The following TDRP variants were observed in gnomAD, a reference collection of about 807,000 sequenced individuals.
TDRP encodes the protein testis development-related protein.
TDRP carries 12 observed loss-of-function variants against 10.5 expected under a neutral mutation model. The observed-to-expected ratio is 1.15, with a 90% CI of 0.73 to 1.86. The LOEUF is 1.86. Among genes scored for constraint, TDRP ranks in the 40% most tolerant of loss-of-function variants. The pLI, the probability that TDRP is intolerant of heterozygous loss-of-function variation, is 0.00. For synonymous variants in TDRP, 139 were observed against 95.4 expected, an observed-to-expected ratio of 1.46 and a Z score of -2.67; for missense variants, 353 against 229.2, an observed-to-expected ratio of 1.54 and a Z score of -3.49.
intron 2 of TDRP, among the ~76,000 whole-genome samples, 197 bp downstream of exon 2, chr8:494,297 C>T (rs1585132054): frequency 6.6e-6 from 1 of 152,068 alleles, no homozygotes; most frequent in Admixed American, 6.5e-5. Context: ...ATGTTAACTC[C>T]GAAGCACACA....
At position 526,851 on chromosome 8, in the gene TDRP, G is replaced by A. The variant is rs531771888; in HGVS notation, c.108+17799C>T. ...ATTCAACGTAGTACTGGAAGTCCTA[G>A]CTAGAGCAATCAGACACCAGAAAAA... On this transcript the variant is annotated intron_variant, in intron 1 of 2. Coordinates refer to ENST00000324079, the MANE Select transcript of TDRP (RefSeq NM_001384899.1). 3.2e-4 allele frequency among the ~76,000 whole-genome samples: 48 copies of A among 152,252 alleles called. 1 individual carries two copies. The South Asian group carries it at 8.3e-3, about 26-fold the overall frequency.
chr8:501,492 G>T (rs565842443), intron 1 of TDRP, among the ~76,000 whole-genome samples: 4 of 151,646 alleles, frequency 2.6e-5, no homozygotes, highest in African/African-American at 9.7e-5. Context: ...AATTACAGGC[G>T]ATGGCCACCA....
intron 1 of TDRP, among the ~76,000 whole-genome samples, chr8:535,147 A>T (rs535567402): frequency 6.6e-6 from 1 of 152,104 alleles, no homozygotes; most frequent in Non-Finnish European, 1.5e-5. Context: ...TTTAATATAC[A>T]TTTATTAATA....
intron 1 of TDRP, among the ~76,000 whole-genome samples, chr8:539,019 C>T (rs1315062309): frequency 6.6e-6 from 1 of 152,118 alleles, no homozygotes; most frequent in Non-Finnish European, 1.5e-5. Context: ...ATCCTGCAGG[C>T]CTATAATAGA....
intron 1 of TDRP, among the ~76,000 whole-genome samples, chr8:510,350 A>G (rs7002094): frequency 0.39 from 59,603 of 151,856 alleles, 12,122 homozygotes; most frequent in Admixed American, 0.45. Flanking sequence ...CTTCATTAGC[A>G]TAAGAGGACA....
chr8:514,324 T>G, intron 1 of TDRP, among the ~76,000 whole-genome samples: 1 of 152,208 alleles, frequency 6.6e-6, no homozygotes, highest in East Asian at 1.9e-4. Flanking sequence ...CAATTGATTT[T>G]CAAGAAGAGT....
intron 1 of TDRP, among the ~76,000 whole-genome samples, chr8:532,902 C>G (rs1283223809): frequency 6.6e-6 from 1 of 152,224 alleles, no homozygotes; most frequent in African/African-American, 2.4e-5. Context: ...CTGAGTGGTT[C>G]TGACACTGCA....
chr8:514,119 G>A (rs1386282543), intron 1 of TDRP, among the ~76,000 whole-genome samples: 1 of 152,134 alleles, frequency 6.6e-6, no homozygotes, highest in Non-Finnish European at 1.5e-5. Context: ...CAAAATAACA[G>A]GGGATTCAAG....
intron 1 of TDRP, among the ~76,000 whole-genome samples, chr8:513,103 A>G (rs1003501536): frequency 7.6e-5 from 8 of 105,720 alleles, no homozygotes; most frequent in Non-Finnish European, 1.4e-4. Context: ...AATTCTTCAC[A>G]CTATTTCAAA....
intron 1 of TDRP, among the ~76,000 whole-genome samples, chr8:509,193 G>A (rs1213879914): frequency 6.6e-6 from 1 of 152,186 alleles, no homozygotes; most frequent in Non-Finnish European, 1.5e-5. Context: ...GGCATATGGT[G>A]CAAACTGTCG....
intron 1 of TDRP, among the ~76,000 whole-genome samples, chr8:532,061 AGG>A (rs1802213978): frequency 6.6e-6 from 1 of 152,214 alleles, no homozygotes; most frequent in African/African-American, 2.4e-5. Context: ...GAGAACAGTT[AGG>A]TGTTCAACAG....
chr8:531,330 A>G (rs973528538), intron 1 of TDRP, among the ~76,000 whole-genome samples: 3 of 152,146 alleles, frequency 2.0e-5, no homozygotes, highest in African/African-American at 7.2e-5. Flanking sequence ...GGGACTTTCC[A>G]CTCCACCATT....
chr8:490,839 G>T lies in TDRP; in HGVS notation c.*1560C>A, dbSNP rs1029304709. On this transcript the variant is annotated 3_prime_UTR_variant, in exon 3 of 3. Coordinates refer to ENST00000324079, the MANE Select transcript of TDRP (RefSeq NM_001384899.1). Reference sequence around the variant, plus strand: ...TTTGTTTGAACACCAATTGAAACATGTCCCCCTTTCAAGACTTGATAAGTA... The same window carrying T: ...TTTGTTTGAACACCAATTGAAACATTTCCCCCTTTCAAGACTTGATAAGTA... The T allele has an allele frequency of 4.6e-5, 7 of 152,014 alleles. No homozygotes were observed. The highest frequency in any genetic ancestry group is 1.7e-4 in the African/African-American group (7 of 41,366). 9.4% of individuals were successfully genotyped at this position (152,014 alleles called of 1,614,324 possible).
At chr8:497,386 G>C (rs1417429095) in intron 1 of TDRP, among the ~76,000 whole-genome samples, 2 of 152,224 alleles carry the variant, frequency 1.3e-5, no homozygotes, top group Non-Finnish European at 2.9e-5. Context: ...CTGCCCAAGA[G>C]ATATGTGGAA....
chr8:495,229 A>G lies in TDRP; in HGVS notation c.109-632T>C, dbSNP rs1196859698. Among the ~76,000 whole-genome samples the G allele has an allele frequency of 4.6e-5, 7 of 152,220 alleles. No homozygotes were observed. The South Asian group carries it at 1.5e-3, about 32-fold the overall frequency. Reference sequence around the variant, plus strand: ...AGGCTGGGCAACAGAGCAAGACCCCATCTCAAAAAACAAACAACAGCAACA... The same window carrying G: ...AGGCTGGGCAACAGAGCAAGACCCCGTCTCAAAAAACAAACAACAGCAACA... On this transcript the variant is annotated intron_variant, in intron 1 of 2. Coordinates refer to ENST00000324079, the MANE Select transcript of TDRP (RefSeq NM_001384899.1).
chr8:492,156 A>G lies in TDRP; in HGVS notation c.*243T>C. The G allele has an allele frequency of 8.0e-7, 1 of 1,252,118 alleles. No individual in the cohort carries two copies. The highest frequency in any genetic ancestry group is 1.0e-6 in the Non-Finnish European group (1 of 1,000,446). 77.6% of individuals were successfully genotyped at this position (1,252,118 alleles called of 1,614,324 possible). A position where few individuals can be genotyped will look rare whatever the true frequency, so the allele number is the denominator to read the frequency against. ...ATAAATTCACATCTCCAGTTTCTGCAAAACATGGACTGATAGGTGAATATT... is the reference window on the plus strand; with the variant it reads ...ATAAATTCACATCTCCAGTTTCTGCGAAACATGGACTGATAGGTGAATATT... On this transcript the variant is annotated 3_prime_UTR_variant, in exon 3 of 3. Coordinates refer to ENST00000324079, the MANE Select transcript of TDRP (RefSeq NM_001384899.1).
At chr8:494,413 C>A in intron 2 of TDRP, 81 bp downstream of exon 2, 1 of 1,373,724 alleles carries the variant, frequency 7.3e-7, no homozygotes, top group Non-Finnish European at 1.0e-6. Flanking sequence ...TGCATTTATG[C>A]CATCAAATCT....
intron 1 of TDRP, among the ~76,000 whole-genome samples, chr8:517,953 G>C (rs1347891987): frequency 6.6e-6 from 1 of 152,182 alleles, no homozygotes; most frequent in Non-Finnish European, 1.5e-5. Context: ...AAAGGGTTCA[G>C]GGGAGGGAGG....
rs770059301 is a variant in TDRP at position 494,586 on chromosome 8, T to C, written c.120A>G (p.Ala40=). ...TCACTTCTTTCCAACCTCGGAAACT[T>C]GCTCCCTGAACCTAATAAAAGGTTA... The part of the protein sequence containing the change: ...AAAAQAQVQG[A]SFRGWKEVTS... Residue 40 remains alanine, a synonymous_variant, in exon 2 of 3, where the codon GCA becomes GCG. Transcript: ENST00000324079. 1.2e-6 allele frequency: 2 copies of C among 1,613,896 alleles called. No homozygotes were observed. Among genetic ancestry groups the C allele is most frequent in the East Asian group, 4.5e-5 (2 of 44,868 alleles).
Sources: gnomAD v4.1 joint callset for allele counts (sites outside exome capture counted in the v4.1 genomes callset) on GRCh38, gnomAD v4.1.1 for gene constraint, MANE v1.5 for transcripts, NCBI Gene and HGNC (gene_info 2026-07-23, HGNC 2026-07-21) for gene names.